GPC6: variants seen among roughly 807,000 people sequenced by gnomAD.
GPC6 encodes the protein glypican-6.
In GPC6, 14 loss-of-function variants were observed where a neutral mutation model predicts 55.2. The ratio of observed to expected loss-of-function variants is 0.25; its 90% CI spans 0.17 to 0.40. The LOEUF (loss-of-function observed/expected upper bound fraction) is 0.40. Among genes scored for constraint, GPC6 ranks in the 10% least tolerant of loss-of-function variants. GPC6 has a pLI of 1.00. For synonymous variants in GPC6, 278 were observed against 259.6 expected, an observed-to-expected ratio of 1.07 and a Z score of -0.68; for missense variants, 641 against 708.5, an observed-to-expected ratio of 0.90 and a Z score of 1.08.
chr13:93,435,780 A>G (rs1336711495), intron 1 of GPC6, among the ~76,000 whole-genome samples: 1 of 152,200 alleles, frequency 6.6e-6, no homozygotes, highest in Non-Finnish European at 1.5e-5. Context: ...AAGGCAAGGC[A>G]GATGCAAGGA....
At chr13:93,916,401 A>G (rs1433959058) in intron 3 of GPC6, among the ~76,000 whole-genome samples, 2 of 152,056 alleles carry the variant, frequency 1.3e-5, no homozygotes, top group African/African-American at 4.8e-5. Flanking sequence ...CAGAACTGGA[A>G]CTACATTGCC....
rs1874720620 is a variant in GPC6 at position 93,545,285 on chromosome 13, T to C, written c.183T>C (p.Pro61=). 6.2e-7 allele frequency: 1 copy of C among 1,613,470 alleles called. No individual in the cohort carries two copies. Among genetic ancestry groups the C allele is most frequent in the Admixed American group, 1.7e-5 (1 of 59,986 alleles). The change falls in exon 2 of 9, where the codon CCT becomes CCC. Residue 61 remains proline (P), a synonymous_variant. Coordinates refer to ENST00000377047, the MANE Select transcript of GPC6 (RefSeq NM_005708.5). ...CAGGGGAACACTTAAGAATCTGTCC[T>C]CAGGAATATACATGCTGCACCACAG... The part of the protein sequence containing the change: ...EIAGEHLRIC[P]QEYTCCTTEM...
At chr13:93,413,040 G>T (rs764951793) in intron 1 of GPC6, among the ~76,000 whole-genome samples, 1 of 152,112 alleles carries the variant, frequency 6.6e-6, no homozygotes, top group Non-Finnish European at 1.5e-5. Context: ...CTTGGGTGAG[G>T]ACTAATGGTA....
chr13:94,116,668 A>G (rs1452166444), intron 4 of GPC6, among the ~76,000 whole-genome samples: 3 of 152,082 alleles, frequency 2.0e-5, no homozygotes, highest in Non-Finnish European at 1.5e-5. Context: ...AAGTGTTCAC[A>G]TTAGCGCTTA....
At chr13:94,260,582 A>T (rs1358579218) in intron 4 of GPC6, among the ~76,000 whole-genome samples, 3 of 152,192 alleles carry the variant, frequency 2.0e-5, no homozygotes, top group Non-Finnish European at 4.4e-5. Flanking sequence ...CCATATGACC[A>T]CATTTTACTT....
intron 2 of GPC6, among the ~76,000 whole-genome samples, chr13:93,810,456 C>G (rs1362214951): frequency 2.6e-5 from 4 of 152,056 alleles, no homozygotes. Context: ...TGCTTTTGTT[C>G]GAAGGTGACT....
intron 4 of GPC6, among the ~76,000 whole-genome samples, chr13:94,083,154 T>C (rs1347705822): frequency 6.6e-6 from 1 of 152,226 alleles, no homozygotes; most frequent in Non-Finnish European, 1.5e-5. Context: ...AGTCTCGCTG[T>C]GTTGCCCAGG....
chr13:93,635,567 T>C (rs1879656486), intron 2 of GPC6, among the ~76,000 whole-genome samples: 2 of 152,114 alleles, frequency 1.3e-5, no homozygotes, highest in South Asian at 4.1e-4. Context: ...TTTGGTTCTG[T>C]TGTGTGAGTT....
chr13:93,225,256 T>A (rs776659518), upstream of GPC6, among the ~76,000 whole-genome samples: 1 of 152,194 alleles, frequency 6.6e-6, no homozygotes, highest in Admixed American at 6.5e-5. Flanking sequence ...CGTTGTCAAA[T>A]ATGACAGAAG....
At chr13:94,303,033 G>A (rs955235678) in intron 5 of GPC6, among the ~76,000 whole-genome samples, 28 of 152,346 alleles carry the variant, frequency 1.8e-4, no homozygotes, top group African/African-American at 3.8e-4. Flanking sequence ...GTGGACACCC[G>A]CGGGATCCGG....
At chr13:94,119,453 G>GTAGTGGGAGGGGC in intron 4 of GPC6, among the ~76,000 whole-genome samples, 1 of 151,968 alleles carries the variant, frequency 6.6e-6, no homozygotes, top group African/African-American at 2.4e-5. Context: ...CGGTGAAGGA[G>GTAGTGGGAGGGGC]CAATAGGGCA....
chr13:94,201,817 C>T (rs1313217897), intron 4 of GPC6, among the ~76,000 whole-genome samples: 2 of 151,960 alleles, frequency 1.3e-5, no homozygotes, highest in Non-Finnish European at 2.9e-5. Context: ...GGCGTGGTGG[C>T]GGGTGCCTGT....
intron 3 of GPC6, among the ~76,000 whole-genome samples, chr13:93,942,165 A>C (rs1332409636): frequency 6.6e-6 from 1 of 152,248 alleles, no homozygotes; most frequent in Non-Finnish European, 1.5e-5. Context: ...ACAAAGAGTA[A>C]TATGCTAACT....
intron 4 of GPC6, among the ~76,000 whole-genome samples, chr13:94,108,855 A>C (rs766044863): frequency 5.9e-3 from 325 of 55,478 alleles, no homozygotes; most frequent in African/African-American, 0.017. Context: ...AAAAAAAAAC[A>C]AAAAAAAAAA....
intron 1 of GPC6, among the ~76,000 whole-genome samples, chr13:93,418,195 C>T (rs1008851661): frequency 1.3e-5 from 2 of 151,512 alleles, no homozygotes; most frequent in African/African-American, 2.4e-5. Flanking sequence ...ACATGAGATA[C>T]TTCGATATAG....
intron 7 of GPC6, among the ~76,000 whole-genome samples, chr13:94,395,221 A>G (rs1292979707): frequency 1.3e-5 from 2 of 152,236 alleles, no homozygotes; most frequent in Non-Finnish European, 2.9e-5. Context: ...TAGAAGTTAC[A>G]TCAGGAAAAC....
chr13:93,683,337 A>G (rs901710518), intron 2 of GPC6, among the ~76,000 whole-genome samples: 1 of 152,080 alleles, frequency 6.6e-6, no homozygotes, highest in African/African-American at 2.4e-5. Context: ...AATCTTGTCA[A>G]AGAGGTTCCA....
At chr13:94,311,750 T>C (rs1360265590) in intron 6 of GPC6, among the ~76,000 whole-genome samples, 2 of 151,888 alleles carry the variant, frequency 1.3e-5, no homozygotes, top group Non-Finnish European at 2.9e-5. Context: ...GCAATTTGGG[T>C]GAAGAAAGTT....
intron 4 of GPC6, among the ~76,000 whole-genome samples, chr13:94,080,230 T>C (rs1036676101): frequency 6.6e-6 from 1 of 152,166 alleles, no homozygotes; most frequent in African/African-American, 2.4e-5. Flanking sequence ...TGTCTGGAAA[T>C]TTAAGGTTTG....
Sources: allele counts gnomAD v4.1 joint callset (sites outside exome capture counted in the v4.1 genomes callset), GRCh38; gene constraint gnomAD v4.1.1; transcripts MANE v1.5; gene names NCBI Gene and HGNC (gene_info 2026-07-23, HGNC 2026-07-21).